Variants in ATP10A observed in about 807,000 individuals in gnomAD.
ATP10A encodes ATPase phospholipid transporting 10A (putative).
In ATP10A, 111 loss-of-function variants were observed where a neutral mutation model predicts 147.8. The observed-to-expected ratio is 0.75, with a 90% CI of 0.64 to 0.88. The LOEUF (loss-of-function observed/expected upper bound fraction) is 0.88. Ranked by LOEUF, ATP10A falls within the 40% of genes least tolerant of loss-of-function variation. The pLI, the probability that ATP10A is intolerant of heterozygous loss-of-function variation, is 0.00. For missense variants in ATP10A, 1,927 were observed against 1,959.0 expected, an observed-to-expected ratio of 0.98 and a Z score of 0.31; for synonymous variants, 875 against 841.6, an observed-to-expected ratio of 1.04 and a Z score of -0.69.
At chr15:25,828,362 T>C (rs1892206692) in intron 1 of ATP10A, among the ~76,000 whole-genome samples, 1 of 152,228 alleles carries the variant, frequency 6.6e-6, no homozygotes, top group Non-Finnish European at 1.5e-5. Flanking sequence ...TAAGTGCACG[T>C]GGCGTGTCCT....
At chr15:25,733,829 G>A (rs542199390) in intron 3 of ATP10A, among the ~76,000 whole-genome samples, 26 of 152,364 alleles carry the variant, frequency 1.7e-4, no homozygotes, top group Non-Finnish European at 3.2e-4. Flanking sequence ...AGGATTTCAT[G>A]CTGGGAGAGC....
intron 7 of ATP10A, among the ~76,000 whole-genome samples, chr15:25,719,388 AC>A (rs1179758254): frequency 6.6e-6 from 1 of 152,166 alleles, no homozygotes; most frequent in Non-Finnish European, 1.5e-5. Flanking sequence ...CAGGATTCCA[AC>A]TCAGGGAGAT....
chr15:25,720,097 C>A (rs1162896231), intron 7 of ATP10A, among the ~76,000 whole-genome samples: 1 of 152,124 alleles, frequency 6.6e-6, no homozygotes, highest in Non-Finnish European at 1.5e-5. Context: ...CTGTCAGAAT[C>A]TTTCTGTAAT....
At chr15:25,803,273 A>G (rs539863645) in intron 1 of ATP10A, among the ~76,000 whole-genome samples, 1 of 152,242 alleles carries the variant, frequency 6.6e-6, no homozygotes, top group African/African-American at 2.4e-5. Context: ...TGCTTCGCCC[A>G]CTGGGCTCCT....
intron 19 of ATP10A, 130 bp from the exon 20 acceptor site, chr15:25,680,438 T>A (rs1450324877): frequency 2.0e-6 from 2 of 998,512 alleles, no homozygotes; most frequent in Admixed American, 2.4e-5. Flanking sequence ...CTGCGGTCTA[T>A]GACGCGGGTA....
chr15:25,697,607 GAGAACCAAAT>G (rs1463168733), intron 13 of ATP10A, among the ~76,000 whole-genome samples: 6 of 152,190 alleles, frequency 3.9e-5, no homozygotes, highest in Non-Finnish European at 7.3e-5. Flanking sequence ...AGATATTTCA[GAGAACCAAAT>G]AGAAATTTGT....
At chr15:25,749,558 C>A (rs906141632) in intron 2 of ATP10A, among the ~76,000 whole-genome samples, 1 of 152,170 alleles carries the variant, frequency 6.6e-6, no homozygotes, top group Non-Finnish European at 1.5e-5. Context: ...GTCCTGGGCA[C>A]AACTCAAGAA....
chr15:25,781,701 C>G (rs1031687366), intron 1 of ATP10A, among the ~76,000 whole-genome samples: 9 of 151,958 alleles, frequency 5.9e-5, no homozygotes, highest in Non-Finnish European at 1.0e-4. Context: ...CACTGAAGCT[C>G]ACTCAAAGTA....
chr15:25,785,440 A>T (rs755770109), intron 1 of ATP10A, among the ~76,000 whole-genome samples: 49 of 152,146 alleles, frequency 3.2e-4, no homozygotes, highest in Non-Finnish European at 3.8e-4. Context: ...GAGGTGATAC[A>T]TTCCTGCTGT....
chr15:25,863,194 GCTCCCCGC>G lies in ATP10A; in HGVS notation c.-106_-99del, dbSNP rs1369270666. On this transcript the variant is annotated 5_prime_UTR_variant, in exon 1 of 21. Transcript: ENST00000555815. Reference sequence around the variant, plus strand: ...TCGCGGCCCGGGCGCGGCGGTGCGAGCTCCCCGCCTGCGGGACGCACGGAGACCGCGGT... The same window carrying G: ...TCGCGGCCCGGGCGCGGCGGTGCGAGCTGCGGGACGCACGGAGACCGCGGT... 2 of 866,762 alleles carry G rather than the reference GCTCCCCGC, an allele frequency of 2.3e-6. No individual in the cohort carries two copies. Among genetic ancestry groups the G allele is most frequent in the Non-Finnish European group, 2.8e-6 (2 of 702,866 alleles). 53.7% of individuals were successfully genotyped at this position (866,762 alleles called of 1,614,324 possible).
intron 2 of ATP10A, among the ~76,000 whole-genome samples, chr15:25,772,283 C>T (rs867597820): frequency 2.6e-5 from 4 of 152,102 alleles, no homozygotes; most frequent in South Asian, 2.1e-4. Flanking sequence ...CTCTCTCCTC[C>T]GAACGTCCCC....
At position 25,725,942 on chromosome 15, in the gene ATP10A, G is replaced by A. The variant is rs1001479084; in HGVS notation, c.979+9C>T. On this transcript the variant is annotated intron_variant, in intron 5 of 20. Transcript: ENST00000555815. ...CCCCACTCATTTCCGATCCATCTAG[G>A]AGACTTACCGACTGCTGAAAACAGA... 1.9e-6 allele frequency: 3 copies of A among 1,611,716 alleles called. No individual in the cohort carries two copies. In the African/African-American group the frequency reaches 4.0e-5, roughly 22 times the overall value.
intron 7 of ATP10A, among the ~76,000 whole-genome samples, chr15:25,718,721 G>T (rs568243287): frequency 1.3e-5 from 2 of 152,266 alleles, no homozygotes; most frequent in South Asian, 2.1e-4. Context: ...AGGTGTACAT[G>T]GGGTAGGGTG....
At chr15:25,745,864 A>G (rs1358094327) in intron 2 of ATP10A, among the ~76,000 whole-genome samples, 1 of 152,174 alleles carries the variant, frequency 6.6e-6, no homozygotes, top group African/African-American at 2.4e-5. Context: ...CTCTCATGTA[A>G]CCACCATATT....
intron 2 of ATP10A, among the ~76,000 whole-genome samples, chr15:25,752,142 C>G (rs1010004612): frequency 1.1e-4 from 16 of 152,094 alleles, no homozygotes; most frequent in African/African-American, 3.6e-4. Context: ...ACCATATGAA[C>G]CAACATCTCA....
intron 2 of ATP10A, among the ~76,000 whole-genome samples, chr15:25,754,422 T>C (rs551749127): frequency 8.5e-5 from 13 of 152,262 alleles, no homozygotes; most frequent in Admixed American, 7.8e-4. Flanking sequence ...CGAGAGCCAC[T>C]GGGCTGCAGT....
intron 1 of ATP10A, among the ~76,000 whole-genome samples, chr15:25,852,149 C>T (rs550445563): frequency 3.2e-4 from 48 of 152,162 alleles, no homozygotes; most frequent in African/African-American, 1.1e-3. Context: ...GCCATCCTCC[C>T]TCCTATTGAA....
intron 10 of ATP10A, among the ~76,000 whole-genome samples, chr15:25,711,858 TG>T (rs1901443647): frequency 6.6e-6 from 1 of 152,176 alleles, no homozygotes; most frequent in Admixed American, 6.5e-5. Flanking sequence ...CTACCCCGAC[TG>T]TGAGTTTGAT....
At chr15:25,748,793 G>A (rs528991471) in intron 2 of ATP10A, among the ~76,000 whole-genome samples, 1 of 152,044 alleles carries the variant, frequency 6.6e-6, no homozygotes, top group East Asian at 1.9e-4. Context: ...AGTGGCTCAT[G>A]CCTGTAATCC....
Sources: gnomAD v4.1 joint callset for allele counts (sites outside exome capture counted in the v4.1 genomes callset) on GRCh38, gnomAD v4.1.1 for gene constraint, MANE v1.5 for transcripts, NCBI Gene and HGNC (gene_info 2026-07-23, HGNC 2026-07-21) for gene names.